The following CLEC2A variants were observed in gnomAD, a reference collection of about 807,000 sequenced individuals.
CLEC2A encodes the protein keratinocyte-associated C-type lectin.
Under a neutral mutation model 18.6 loss-of-function variants are expected in CLEC2A, and 19 were observed. The observed-to-expected ratio is 1.02, with a 90% confidence interval of 0.71 to 1.50. CLEC2A has a LOEUF of 1.50. CLEC2A is among the 40% of genes most tolerant of loss of function. The probability of loss-of-function intolerance (pLI) is 0.00; values close to 1 mark genes in which losing one functional copy is unlikely to be tolerated. For missense variants in CLEC2A, 190 were observed against 207.9 expected (o/e 0.91, Z 0.53); for synonymous variants, 74 against 64.0 (o/e 1.16, Z -0.75).
the CLEC2A span, chr12:9,893,319 T>A: frequency 1.2e-6 from 1 of 842,734 alleles, no homozygotes; most frequent in Admixed American, 2.9e-5. Context: ...AAAATGCTAA[T>A]GTATATGAAA....
At position 9,914,574 on chromosome 12, in the gene CLEC2A, T is replaced by TC. The variant is rs554001704; in HGVS notation, c.411-895dup. Reference sequence around the variant, plus strand: ...AAATAATGCCACACATCTACAACCATCTGAACTTTGACAAACCTGACAAAA... The same window carrying TC: ...AAATAATGCCACACATCTACAACCATCCTGAACTTTGACAAACCTGACAAAA... On this transcript the variant is annotated intron_variant, in intron 4 of 4. Coordinates refer to ENST00000455827, the MANE Select transcript of CLEC2A (RefSeq NM_001130711.2). Among the ~76,000 whole-genome samples, 4 of 152,142 alleles carry TC rather than the reference T, an allele frequency of 2.6e-5. No homozygotes were observed. In the South Asian group the frequency reaches 6.2e-4, roughly 24 times the overall value.
In CLEC2A at chr12:9,913,456, T is replaced by A. The variant is rs1863018091; in HGVS notation, c.*110A>T. On this transcript the variant is annotated 3_prime_UTR_variant, in exon 5 of 5. Coordinates refer to ENST00000455827, the MANE Select transcript of CLEC2A (RefSeq NM_001130711.2). ...CATCTATAAACTAGAAAATGGGCCC[T>A]CACCAGAGGTTCCGTATTCTGTAAC... 1 of 1,431,266 alleles carries A rather than the reference T, an allele frequency of 7.0e-7. No homozygotes were observed. The highest frequency in any genetic ancestry group is 9.1e-7 in the Non-Finnish European group (1 of 1,100,772). 88.7% of individuals were successfully genotyped at this position (1,431,266 alleles called of 1,614,324 possible).
chr12:9,895,773 A>T, downstream of CLEC2A: 4 of 1,535,804 alleles, frequency 2.6e-6, no homozygotes, highest in Non-Finnish European at 3.5e-6. Context: ...GTAGCTCCAC[A>T]TTTAAGGGCA....
chr12:9,890,676 T>C, the CLEC2A span, among the ~76,000 whole-genome samples: 1 of 152,240 alleles, frequency 6.6e-6, no homozygotes, highest in Non-Finnish European at 1.5e-5. Flanking sequence ...GGATAATCTT[T>C]CTTTAGATTA....
downstream of CLEC2A, among the ~76,000 whole-genome samples, chr12:9,909,144 T>C (rs1196152431): frequency 6.6e-6 from 1 of 152,212 alleles, no homozygotes; most frequent in Non-Finnish European, 1.5e-5. Context: ...TATTTTTTCA[T>C]TTGCTCCTTT....
the CLEC2A span, chr12:9,893,004 C>A: frequency 2.6e-6 from 4 of 1,521,812 alleles, no homozygotes; most frequent in Non-Finnish European, 3.5e-6. Flanking sequence ...TAATTTTCCC[C>A]TATGTTTTCC....
chr12:9,882,821 G>A, the CLEC2A span, among the ~76,000 whole-genome samples: 1 of 152,128 alleles, frequency 6.6e-6, no homozygotes. Context: ...AAAGCCCACA[G>A]ACTAAATGTA....
At chr12:9,896,135 T>C (rs1862753472), downstream of CLEC2A, among the ~76,000 whole-genome samples, 1 of 152,200 alleles carries the variant, frequency 6.6e-6, no homozygotes, top group African/African-American at 2.4e-5. Context: ...TAGCATAGAA[T>C]AAAACAACTT....
chr12:9,890,442 A>G, the CLEC2A span, among the ~76,000 whole-genome samples: 3 of 152,116 alleles, frequency 2.0e-5, no homozygotes, highest in African/African-American at 4.8e-5. Context: ...TGGCACAATT[A>G]TTTGTGGTTG....
the CLEC2A span, chr12:9,893,021 A>G: frequency 2.0e-6 from 3 of 1,533,922 alleles, no homozygotes; most frequent in Admixed American, 3.9e-5. Context: ...TTCCTTTAGG[A>G]CACAATTACT....
At chr12:9,897,740 C>T (rs1862772745), downstream of CLEC2A, among the ~76,000 whole-genome samples, 1 of 152,098 alleles carries the variant, frequency 6.6e-6, no homozygotes, top group Non-Finnish European at 1.5e-5. Flanking sequence ...CCATTGTGGG[C>T]ATGACCAGAC....
intron 1 of CLEC2A, among the ~76,000 whole-genome samples, chr12:9,929,885 A>G (rs1415596697): frequency 1.3e-5 from 2 of 152,172 alleles, no homozygotes; most frequent in East Asian, 3.9e-4. Context: ...TTTAATTTCT[A>G]TAATTCTATA....
the CLEC2A span, among the ~76,000 whole-genome samples, chr12:9,886,391 A>G: frequency 6.6e-6 from 1 of 152,168 alleles, no homozygotes; most frequent in Non-Finnish European, 1.5e-5. Flanking sequence ...CATAGAATGG[A>G]AAGGGGAGAA....
At position 9,922,336 on chromosome 12, in the gene CLEC2A, C is replaced by T. The variant is rs148440543; in HGVS notation, c.140-104G>A. 457 of 840,892 alleles carry T rather than the reference C, an allele frequency of 5.4e-4. 1 individual carries two copies. Among genetic ancestry groups the T allele is most frequent in the South Asian group, 1.2e-3 (40 of 32,036 alleles). 52.1% of individuals were successfully genotyped at this position (840,892 alleles called of 1,614,324 possible). On this transcript the variant is annotated intron_variant, in intron 2 of 4. Coordinates refer to ENST00000455827, the MANE Select transcript of CLEC2A (RefSeq NM_001130711.2). ...CTTTTTGCTTCCACAGTTTGAGGCC[C>T]GTAAGTTAGCTTCCCCCCTCCCCAG...
At chr12:9,897,252 T>C (rs1160708987), downstream of CLEC2A, among the ~76,000 whole-genome samples, 3 of 152,192 alleles carry the variant, frequency 2.0e-5, no homozygotes, top group African/African-American at 7.2e-5. Flanking sequence ...CTTGCGTAAA[T>C]GAAACTTTCT....
the CLEC2A span, chr12:9,881,621 C>A: frequency 1.3e-6 from 2 of 1,535,144 alleles, no homozygotes; most frequent in Non-Finnish European, 1.7e-6. Flanking sequence ...GGGTATATGA[C>A]GCTGAGTTTC....
At chr12:9,893,458 A>T in the CLEC2A span, 56 of 1,503,734 alleles carry the variant, frequency 3.7e-5, no homozygotes, top group Non-Finnish European at 4.8e-5. Flanking sequence ...TAAAACCTGG[A>T]CATTTTGGTT....
rs114146548 is a variant in CLEC2A at position 9,913,721 on chromosome 12, G to A, written c.411-41C>T. The A allele has an allele frequency of 2.4e-3, 3,003 of 1,268,954 alleles. 64 individuals carry two copies. The African/African-American group carries it at 0.039, about 17-fold the overall frequency. The allele number at this position is 1,268,954 out of a possible 1,614,324, so 78.6% of individuals were successfully genotyped here. ...CTAAATCAGTCTGGGAACCACTTAC[G>A]GCTGTAATCAAAAAGACAATTAATA... On this transcript the variant is annotated intron_variant, in intron 4 of 4. Coordinates refer to ENST00000455827, the MANE Select transcript of CLEC2A (RefSeq NM_001130711.2).
the CLEC2A span, chr12:9,884,917 A>G: frequency 5.7e-6 from 5 of 881,268 alleles, no homozygotes; most frequent in Non-Finnish European, 8.0e-6. Context: ...CAAGAATTCT[A>G]AAATTCAACA....
Sources: allele counts gnomAD v4.1 joint callset (sites outside exome capture counted in the v4.1 genomes callset), GRCh38; gene constraint gnomAD v4.1.1; transcripts MANE v1.5; gene names NCBI Gene and HGNC (gene_info 2026-07-23, HGNC 2026-07-21).